Variants in PJA2 observed in about 807,000 individuals in gnomAD.
The protein encoded by PJA2 is praja ring finger ubiquitin ligase 2, also known as E3 ubiquitin-protein ligase Praja-2.
PJA2 carries 25 observed loss-of-function variants against 69.3 expected under a neutral mutation model. The ratio of observed to expected loss-of-function variants is 0.36; its 90% confidence interval spans 0.26 to 0.50. PJA2 has a LOEUF of 0.50. PJA2 is among the 20% of genes least tolerant of loss of function. The pLI is 0.96. For missense variants in PJA2, 809 were observed against 830.2 expected (o/e 0.97, Z 0.31); for synonymous variants, 308 against 277.8 (o/e 1.11, Z -1.08).
At chr5:109,392,846 C>T (rs755490885) in intron 1 of PJA2, among the ~76,000 whole-genome samples, 2 of 152,048 alleles carry the variant, frequency 1.3e-5, no homozygotes, top group Admixed American at 1.3e-4. Flanking sequence ...CCACAAAATG[C>T]AAAACTCAAT....
chr5:109,405,923 T>TAAA (rs60748513), intron 1 of PJA2, among the ~76,000 whole-genome samples: 7 of 146,138 alleles, frequency 4.8e-5, no homozygotes, highest in African/African-American at 1.7e-4. Context: ...GTTAGGAAAA[T>TAAA]AAAAAAAAAA....
chr5:109,355,831 T>G (rs1762404074), intron 7 of PJA2, 84 bp downstream of exon 7: 1 of 910,266 alleles, frequency 1.1e-6, no homozygotes, highest in Admixed American at 2.2e-5. Context: ...CACCTTTTCT[T>G]AAGAGTAGTC....
chr5:109,344,036 G>A (rs958867754), intron 9 of PJA2, among the ~76,000 whole-genome samples, 154 bp downstream of exon 9: 1 of 148,362 alleles, frequency 6.7e-6, no homozygotes, highest in African/African-American at 2.5e-5. Flanking sequence ...GGCAGAGGTT[G>A]CAGTGAGCCG....
At chr5:109,357,966 A>T (rs1331112098) in intron 6 of PJA2, among the ~76,000 whole-genome samples, 2 of 152,264 alleles carry the variant, frequency 1.3e-5, no homozygotes, top group Non-Finnish European at 2.9e-5. Flanking sequence ...ATAATCATTT[A>T]AAAATTCTAA....
At chr5:109,369,351 G>T (rs1280443787) in intron 4 of PJA2, among the ~76,000 whole-genome samples, 1 of 152,122 alleles carries the variant, frequency 6.6e-6, no homozygotes, top group African/African-American at 2.4e-5. Context: ...TCTTTGAAAA[G>T]AATATGGCAT....
At chr5:109,337,590 T>C (rs1298403918) in intron 9 of PJA2, among the ~76,000 whole-genome samples, 1 of 152,180 alleles carries the variant, frequency 6.6e-6, no homozygotes, top group Non-Finnish European at 1.5e-5. Flanking sequence ...TTCGTATCTT[T>C]AAGGTCATTC....
intron 1 of PJA2, among the ~76,000 whole-genome samples, chr5:109,388,425 C>T (rs765567144): frequency 2.0e-5 from 3 of 152,190 alleles, no homozygotes; most frequent in African/African-American, 7.2e-5. Context: ...TTCGAACCCA[C>T]TGGGACTATG....
chr5:109,364,175 A>T (rs966526288), intron 5 of PJA2, among the ~76,000 whole-genome samples: 2 of 151,980 alleles, frequency 1.3e-5, no homozygotes, highest in African/African-American at 2.4e-5. Flanking sequence ...CTCATCAACA[A>T]AATGTACTGG....
chr5:109,380,960 C>CA (rs1167322627), intron 3 of PJA2, among the ~76,000 whole-genome samples: 1 of 151,676 alleles, frequency 6.6e-6, no homozygotes, highest in Non-Finnish European at 1.5e-5. Context: ...ACTAAAAATA[C>CA]AAAAATTAGC....
chr5:109,398,858 G>T (rs1747476529), intron 1 of PJA2, among the ~76,000 whole-genome samples: 1 of 152,114 alleles, frequency 6.6e-6, no homozygotes, highest in Admixed American at 6.5e-5. Flanking sequence ...TCCTATACCA[G>T]TACACTGAAG....
intron 5 of PJA2, 91 bp from the exon 6 acceptor site, chr5:109,363,113 G>A: frequency 2.7e-6 from 3 of 1,100,378 alleles, no homozygotes; most frequent in East Asian, 2.5e-5. Flanking sequence ...AGTGGATTCT[G>A]TTGAGTTCTA....
chr5:109,400,123 T>C (rs1747506722), intron 1 of PJA2, among the ~76,000 whole-genome samples: 1 of 151,812 alleles, frequency 6.6e-6, no homozygotes, highest in Non-Finnish European at 1.5e-5. Flanking sequence ...TACCCGTCTC[T>C]ACTAAAAATA....
rs111417744 is a variant in PJA2, at chr5:109,337,001, C to T, written c.*230G>A. Reference sequence around the variant, plus strand: ...AGCTTGGCTTTACAATTAATACAAACATATTCAACTAAAGAAAATGGATGC... The same window carrying T: ...AGCTTGGCTTTACAATTAATACAAATATATTCAACTAAAGAAAATGGATGC... On this transcript the variant is annotated 3_prime_UTR_variant, in exon 10 of 10. Coordinates refer to ENST00000361189, the MANE Select transcript of PJA2 (RefSeq NM_014819.5). The T allele has an allele frequency of 1.2e-5, 3 of 248,960 alleles. No homozygotes were observed. Among genetic ancestry groups the T allele is most frequent in the Non-Finnish European group, 2.2e-5 (3 of 135,672 alleles). 15.4% of individuals were successfully genotyped at this position (248,960 alleles called of 1,614,324 possible).
intron 4 of PJA2, among the ~76,000 whole-genome samples, chr5:109,369,120 G>A (rs976571538): frequency 6.6e-6 from 1 of 152,100 alleles, no homozygotes; most frequent in South Asian, 2.1e-4. Context: ...AGAAGCAGAA[G>A]CCACTATGCT....
In PJA2 at chr5:109,397,329, CTACAG is replaced by C. The variant is rs1446554946; in HGVS notation, c.-88+12508_-88+12512del. On this transcript the variant is annotated intron_variant, in intron 1 of 9. Coordinates refer to ENST00000361189, the MANE Select transcript of PJA2 (RefSeq NM_014819.5). Reference sequence around the variant, plus strand: ...CTATAACATCAAGATACAAAAGTCACTACAGTAAACAGCTATAAAAAGTTAATTTT... The same window carrying C: ...CTATAACATCAAGATACAAAAGTCACTAAACAGCTATAAAAAGTTAATTTT... 3.9e-5 allele frequency among the ~76,000 whole-genome samples: 6 copies of C among 152,278 alleles called. No individual in the cohort carries two copies. The South Asian group carries it at 6.2e-4, about 16-fold the overall frequency.
In PJA2 at chr5:109,372,218, T is replaced by A. The variant is rs6884902; in HGVS notation, c.1284-3472A>T. Among the ~76,000 whole-genome samples the A allele has an allele frequency of 3.7e-3, 559 of 152,214 alleles. 5 individuals are homozygous for A. The highest frequency in any genetic ancestry group is 0.013 in the African/African-American group (535 of 41,464). ...ACTTTGGAAATAGTGACCTATAGAATAAAAAGTTAAATGTCTTTGAATAAC... is the reference window on the plus strand; with the variant it reads ...ACTTTGGAAATAGTGACCTATAGAAAAAAAAGTTAAATGTCTTTGAATAAC... On this transcript the variant is annotated intron_variant, in intron 4 of 9. Transcript: ENST00000361189.
intron 6 of PJA2, 88 bp from the exon 7 acceptor site, chr5:109,356,114 C>T: frequency 1.3e-6 from 1 of 795,662 alleles, no homozygotes. Flanking sequence ...AGCATACTGA[C>T]AAGCCGATAA....
intron 6 of PJA2, among the ~76,000 whole-genome samples, chr5:109,359,734 A>G (rs555791635): frequency 6.6e-6 from 1 of 152,374 alleles, no homozygotes; most frequent in South Asian, 2.1e-4. Flanking sequence ...AAGATCTAAT[A>G]CAAAGATTAG....
intron 6 of PJA2, among the ~76,000 whole-genome samples, chr5:109,359,168 CTTT>C (rs1762471282): frequency 6.6e-6 from 1 of 152,168 alleles, no homozygotes; most frequent in African/African-American, 2.4e-5. Flanking sequence ...TATATTTTCT[CTTT>C]TTATGATTTT....
Sources: allele counts gnomAD v4.1 joint callset (sites outside exome capture counted in the v4.1 genomes callset), GRCh38; gene constraint gnomAD v4.1.1; transcripts MANE v1.5; gene names NCBI Gene and HGNC (gene_info 2026-07-23, HGNC 2026-07-21).